The following FGD6 variants were observed in gnomAD, a reference collection of about 807,000 sequenced individuals.
FGD6 encodes FYVE, RhoGEF and PH domain-containing protein 6.
FGD6 carries 90 observed loss-of-function variants against 149.4 expected under a neutral mutation model. The ratio of observed to expected loss-of-function variants is 0.60; its 90% CI spans 0.51 to 0.72. The LOEUF is 0.72. Among genes scored for constraint, FGD6 ranks in the 30% least tolerant of loss-of-function variants. FGD6 has a pLI of 0.00. For missense variants in FGD6, 1,437 were observed against 1,684.8 expected, an observed-to-expected ratio of 0.85 and a Z score of 2.57; for synonymous variants, 527 against 584.0, an observed-to-expected ratio of 0.90 and a Z score of 1.41.
At chr12:95,171,984 T>C (rs1199484362) in intron 3 of FGD6, among the ~76,000 whole-genome samples, 1 of 132,030 alleles carries the variant, frequency 7.6e-6, no homozygotes, top group Non-Finnish European at 1.6e-5. Flanking sequence ...ATAATTTCTT[T>C]ATTTCAAAAA....
chr12:95,137,218 G>A (rs1879692204), intron 7 of FGD6, among the ~76,000 whole-genome samples: 1 of 152,162 alleles, frequency 6.6e-6, no homozygotes, highest in Non-Finnish European at 1.5e-5. Flanking sequence ...GGCGGAGGTT[G>A]CAGTGAGCCA....
chr12:95,112,253 AT>A (rs942973346), intron 9 of FGD6, among the ~76,000 whole-genome samples: 15 of 133,136 alleles, frequency 1.1e-4, no homozygotes, highest in South Asian at 7.3e-4. Context: ...AAAAAAAAAA[AT>A]GTGATCAAAA....
chr12:95,141,582 A>C, intron 5 of FGD6, 43 bp from the exon 6 acceptor site: 1 of 1,605,990 alleles, frequency 6.2e-7, no homozygotes, highest in South Asian at 1.1e-5. Flanking sequence ...CACACATGTA[A>C]CTTGATAACA....
intron 14 of FGD6, among the ~76,000 whole-genome samples, chr12:95,101,681 CTTTTTTT>C (rs757955014): frequency 7.4e-5 from 8 of 107,816 alleles, no homozygotes; most frequent in Middle Eastern, 6.2e-3. Flanking sequence ...TTTGAACTTT[CTTTTTTT>C]TTTTTTTTTT....
rs138823345 is a variant in FGD6, at chr12:95,210,305, G to A, written c.979C>T (p.Arg327Cys). 4.5e-4 allele frequency: 734 copies of A among 1,614,120 alleles called. 3 individuals are homozygous for A. Among genetic ancestry groups the A allele is most frequent in the Middle Eastern group, 3.3e-3 (20 of 6,062 alleles). ...PRKTRTARLL[R>C]QKCVDTPSES... is the part of the protein sequence containing the mutation. Reference sequence around the variant, plus strand: ...CTAGGAGTATCTACACACTTTTGGCGTAACAGACGAGCAGTTCGTGTCTTT... The same window carrying A: ...CTAGGAGTATCTACACACTTTTGGCATAACAGACGAGCAGTTCGTGTCTTT... The change falls in exon 2 of 21, where the codon CGC becomes TGC. Residue 327 changes from arginine (R) to cysteine (C), a missense_variant. Arg to Cys is a radical substitution (Grantham distance 180). Around this residue, in one of 2 missense-constraint regions of FGD6, gnomAD observed 1,055 missense variants for 1,146.0 expected, o/e 0.92. Transcript: ENST00000343958.
At position 95,089,651 on chromosome 12, in the gene FGD6, G is replaced by A; in HGVS notation, c.3896C>T (p.Ser1299Phe). ...PRIGSPGNHKSPSSALSSVLH... is the reference protein window; with the variant it reads ...PRIGSPGNHKFPSSALSSVLH... ...GACTGATGATAAGGCACTTGAAGGAGATTTGTGATTTCCAGGAGATCCAAT... is the reference window on the plus strand; with the variant it reads ...GACTGATGATAAGGCACTTGAAGGAAATTTGTGATTTCCAGGAGATCCAAT... Residue 1299 changes from serine to phenylalanine, a missense_variant, in exon 18 of 21, where the codon TCT becomes TTT. Coordinates refer to ENST00000343958, the MANE Select transcript of FGD6 (RefSeq NM_018351.4). 1.2e-6 allele frequency: 2 copies of A among 1,613,996 alleles called. No individual in the cohort carries two copies. Among genetic ancestry groups the A allele is most frequent in the East Asian group, 2.2e-5 (1 of 44,864 alleles).
At chr12:95,163,480 G>C (rs1880706048) in intron 3 of FGD6, among the ~76,000 whole-genome samples, 1 of 152,124 alleles carries the variant, frequency 6.6e-6, no homozygotes, top group Non-Finnish European at 1.5e-5. Context: ...TGAAATGTCT[G>C]AATTCCCTCT....
intron 3 of FGD6, among the ~76,000 whole-genome samples, chr12:95,156,367 G>A (rs537107637): frequency 2.0e-5 from 3 of 151,828 alleles, no homozygotes; most frequent in Admixed American, 6.6e-5. Flanking sequence ...CTTCGGGGCC[G>A]GCAGTCTTTT....
At chr12:95,126,760 A>G (rs913664704) in intron 8 of FGD6, among the ~76,000 whole-genome samples, 8 of 151,466 alleles carry the variant, frequency 5.3e-5, no homozygotes, top group Non-Finnish European at 1.2e-4. Context: ...AAGAAAAAGA[A>G]AAAACAGAAC....
Position 95,092,777 on chromosome 12 carries a change from G to A in FGD6, c.3669C>T (p.Thr1223=). The change falls in exon 16 of 21, where the codon ACC becomes ACT. Residue 1223 remains threonine, a synonymous_variant. Coordinates refer to ENST00000343958, the MANE Select transcript of FGD6 (RefSeq NM_018351.4). ...TGCAGATCATACACATTGTGGCTCT[G>A]GTATCAGGAATCCAGATGGGAGCCT... ...GSKAPIWIPD[T]RATMCMICTS... is the part of the protein sequence containing the mutation. 1 of 1,614,088 alleles carries A rather than the reference G, an allele frequency of 6.2e-7. No individual in the cohort carries two copies. The highest frequency in any genetic ancestry group is 8.5e-7 in the Non-Finnish European group (1 of 1,180,008).
At chr12:95,113,601 A>G (rs911694092) in intron 9 of FGD6, 50 bp downstream of exon 9, 7 of 1,334,148 alleles carry the variant, frequency 5.2e-6, no homozygotes, top group Admixed American at 2.0e-5. Context: ...TTCTAGCCCT[A>G]CCTAAATAAA....
chr12:95,198,704 G>C (rs2136297965), intron 2 of FGD6, among the ~76,000 whole-genome samples: 1 of 152,292 alleles, frequency 6.6e-6, no homozygotes, highest in East Asian at 1.9e-4. Flanking sequence ...CCAAAGTGCT[G>C]GGGTTACAGG....
intron 8 of FGD6, among the ~76,000 whole-genome samples, chr12:95,121,196 T>C (rs1228006115): frequency 2.0e-5 from 3 of 151,974 alleles, no homozygotes; most frequent in African/African-American, 7.3e-5. Context: ...TCCCAGCACT[T>C]TGGGAGGCCG....
At chr12:95,168,318 C>T (rs981861495) in intron 3 of FGD6, among the ~76,000 whole-genome samples, 1 of 152,176 alleles carries the variant, frequency 6.6e-6, no homozygotes, top group Non-Finnish European at 1.5e-5. Flanking sequence ...GGTAAGATTA[C>T]AGAAAGCTTG....
chr12:95,136,088 G>A (rs2136259039), intron 7 of FGD6, among the ~76,000 whole-genome samples: 1 of 152,224 alleles, frequency 6.6e-6, no homozygotes, highest in Middle Eastern at 3.4e-3. Context: ...GGTTGGGTGA[G>A]GTGGCTCACT....
intron 2 of FGD6, among the ~76,000 whole-genome samples, chr12:95,206,700 A>T (rs2046728): frequency 8.5e-5 from 11 of 130,060 alleles, no homozygotes; most frequent in South Asian, 4.9e-4. Flanking sequence ...TCTCCAAAGA[A>T]AAAAAAAAAA....
At chr12:95,120,589 G>A (rs186653746) in intron 8 of FGD6, among the ~76,000 whole-genome samples, 1 of 151,806 alleles carries the variant, frequency 6.6e-6, no homozygotes, top group African/African-American at 2.4e-5. Flanking sequence ...GGGAGGCTGA[G>A]GCAAGGAGAA....
At chr12:95,113,429 T>C (rs1878903411) in intron 9 of FGD6, among the ~76,000 whole-genome samples, 1 of 151,570 alleles carries the variant, frequency 6.6e-6, no homozygotes, top group African/African-American at 2.4e-5. Context: ...AGAGAAGGGG[T>C]TTCACCATGT....
At chr12:95,104,125 G>C (rs1033794667) in intron 14 of FGD6, among the ~76,000 whole-genome samples, 11 of 152,124 alleles carry the variant, frequency 7.2e-5, no homozygotes, top group African/African-American at 2.7e-4. Flanking sequence ...TTTAATCTCT[G>C]TGCTTCTAGC....
Sources: gnomAD v4.1 joint callset for allele counts (sites outside exome capture counted in the v4.1 genomes callset) on GRCh38, gnomAD v4.1.1 for gene constraint, gnomAD v4.1.1 regional missense constraint, MANE v1.5 for transcripts, NCBI Gene and HGNC (gene_info 2026-07-23, HGNC 2026-07-21) for gene names.